Variants in N4BP2 observed in about 807,000 individuals in gnomAD.
N4BP2 encodes the protein NEDD4-binding protein 2.
Under a neutral mutation model 152.8 loss-of-function variants are expected in N4BP2, and 91 were observed. The observed-to-expected ratio is 0.60, with a 90% confidence interval of 0.50 to 0.71. The LOEUF is 0.71. Ranked by LOEUF, N4BP2 falls within the 30% of genes least tolerant of loss-of-function variation. The pLI is 0.00. For synonymous variants in N4BP2, 646 were observed against 705.3 expected (o/e 0.92, Z 1.33); for missense variants, 1,923 against 2,059.1 (o/e 0.93, Z 1.28).
intron 3 of N4BP2, among the ~76,000 whole-genome samples, chr4:40,100,423 C>G (rs1048335659): frequency 6.9e-6 from 1 of 145,254 alleles, no homozygotes; most frequent in South Asian, 2.1e-4. Flanking sequence ...GTCGCCCAGG[C>G]TGGAGCGCAG....
At position 40,147,283 on chromosome 4, in the gene N4BP2, C is replaced by A. The variant is rs4277787; in HGVS notation, c.5143+2483C>A. On this transcript the variant is annotated intron_variant, in intron 16 of 17. Coordinates refer to ENST00000261435, the MANE Select transcript of N4BP2 (RefSeq NM_018177.6). ...CAGAAGAATTTTTCTTAGTACAGAA[C>A]AAAATGAAAAGTCTCCCACGTCTAC... 8.1e-4 allele frequency among the ~76,000 whole-genome samples: 124 copies of A among 152,270 alleles called. No homozygotes were observed. In the Middle Eastern group the frequency reaches 0.01, roughly 13 times the overall value.
At chr4:40,187,109 A>G in the N4BP2 span, among the ~76,000 whole-genome samples, 2 of 152,244 alleles carry the variant, frequency 1.3e-5, no homozygotes, top group Non-Finnish European at 2.9e-5. Flanking sequence ...TTAATTGGTG[A>G]GGAAGAAGGG....
rs371573437 is a variant in N4BP2, at chr4:40,089,061, C to T, written c.-114-8166C>T. The stretch of plus-strand genomic sequence containing the variant: ...AACCTCCCAGCTGCAAAGGATCCTT[C>T]CACCTTAGGCTCCTGAGTAACTGGG... On this transcript the variant is annotated intron_variant, in intron 2 of 17. Transcript: ENST00000261435. 7.8e-4 allele frequency among the ~76,000 whole-genome samples: 118 copies of T among 151,942 alleles called. 2 individuals are homozygous for T. The South Asian group carries it at 0.024, about 31-fold the overall frequency.
intron 3 of N4BP2, among the ~76,000 whole-genome samples, chr4:40,098,893 G>T (rs1443883827): frequency 5.3e-5 from 8 of 152,086 alleles, no homozygotes; most frequent in Non-Finnish European, 2.9e-5. Flanking sequence ...TTGTTATTAT[G>T]CGTTTTTAAC....
At chr4:40,163,399 A>T in the N4BP2 span, among the ~76,000 whole-genome samples, 1 of 152,194 alleles carries the variant, frequency 6.6e-6, no homozygotes. Context: ...ACCCCTCTGT[A>T]GCTCCTGCAG....
chr4:40,112,347 T>A (rs1169272892), intron 6 of N4BP2, among the ~76,000 whole-genome samples, 175 bp downstream of exon 6: 1 of 152,200 alleles, frequency 6.6e-6, no homozygotes, highest in African/African-American at 2.4e-5. Flanking sequence ...GCTGAGTTTT[T>A]CCATAAAGTT....
the N4BP2 span, among the ~76,000 whole-genome samples, chr4:40,171,989 C>A: frequency 1.5e-4 from 23 of 152,212 alleles, no homozygotes; most frequent in Non-Finnish European, 2.8e-4. Flanking sequence ...TCACTGCAAC[C>A]TCCACCTCCT....
At chr4:40,110,406 G>T (rs929555599) in intron 5 of N4BP2, among the ~76,000 whole-genome samples, 1 of 152,132 alleles carries the variant, frequency 6.6e-6, no homozygotes, top group African/African-American at 2.4e-5. Context: ...ACCAACACTT[G>T]TTATTGTCCG....
intron 1 of N4BP2, among the ~76,000 whole-genome samples, chr4:40,058,322 G>C (rs1237883168): frequency 6.6e-6 from 1 of 152,132 alleles, no homozygotes; most frequent in Admixed American, 6.6e-5. Flanking sequence ...GATAAACGTG[G>C]TTCCATCTGC....
chr4:40,169,570 A>T, the N4BP2 span, among the ~76,000 whole-genome samples: 1 of 151,802 alleles, frequency 6.6e-6, no homozygotes, highest in Non-Finnish European at 1.5e-5. Flanking sequence ...TGTAAAGAAA[A>T]AAAGGGAAAC....
rs1717833968 is a variant in N4BP2 at position 40,120,876 on chromosome 4, C to T, written c.2765C>T (p.Ser922Phe). The T allele has an allele frequency of 6.2e-7, 1 of 1,614,066 alleles. No homozygotes were observed. The highest frequency in any genetic ancestry group is 8.5e-7 in the Non-Finnish European group (1 of 1,180,000). Residue 922 changes from serine to phenylalanine, a missense_variant, in exon 9 of 18, where the codon TCC (serine) becomes TTC (phenylalanine). Coordinates refer to ENST00000261435, the MANE Select transcript of N4BP2 (RefSeq NM_018177.6). ...IGTNDKMNEI[S>F]LSTAHEACWG... ...ACAAATGACAAAATGAATGAAATAT[C>T]CTTATCTACAGCACATGAGGCCTGT...
chr4:40,149,534 C>T (rs1028633423), intron 16 of N4BP2, among the ~76,000 whole-genome samples: 2 of 152,050 alleles, frequency 1.3e-5, no homozygotes, highest in African/African-American at 4.8e-5. Context: ...TGCTAAAAAC[C>T]GCTTAATTGC....
intron 14 of N4BP2, chr4:40,142,336 G>T: frequency 3.1e-6 from 1 of 319,012 alleles, no homozygotes; most frequent in Non-Finnish European, 6.1e-6. Context: ...AGTTGGGCTG[G>T]GGGTGACTGG....
In N4BP2 at chr4:40,121,797, A is replaced by G. The variant is rs1717948807; in HGVS notation, c.3686A>G (p.Lys1229Arg). 6.2e-7 allele frequency: 1 copy of G among 1,614,130 alleles called. No individual in the cohort carries two copies. The highest frequency in any genetic ancestry group is 8.5e-7 in the Non-Finnish European group (1 of 1,180,022). Residue 1229 changes from lysine to arginine, a missense_variant, in exon 9 of 18, where the codon AAG becomes AGG. Transcript: ENST00000261435. ...TTTCCCAGTGCTGCTGTGGGTCTAAAGAATAATAATGACATACTTCCTAAC... is the reference window on the plus strand; with the variant it reads ...TTTCCCAGTGCTGCTGTGGGTCTAAGGAATAATAATGACATACTTCCTAAC... ...SIFPSAAVGL[K>R]NNNDILPNSQ...
chr4:40,170,071 A>G, the N4BP2 span, among the ~76,000 whole-genome samples: 3 of 152,092 alleles, frequency 2.0e-5, no homozygotes, highest in African/African-American at 7.2e-5. Flanking sequence ...CTCTGAAAAA[A>G]GAGAAACGTC....
At chr4:40,059,593 G>T (rs1366854746) in intron 1 of N4BP2, among the ~76,000 whole-genome samples, 1 of 150,700 alleles carries the variant, frequency 6.6e-6, no homozygotes, top group African/African-American at 2.5e-5. Flanking sequence ...CAAGTGATCC[G>T]CCCGCTTTGG....
rs113582483 is a variant in N4BP2, at chr4:40,121,542, C to G, written c.3431C>G (p.Ser1144Trp). 4 of 1,614,022 alleles carry G rather than the reference C, an allele frequency of 2.5e-6. No individual in the cohort carries two copies. The highest frequency in any genetic ancestry group is 3.4e-6 in the Non-Finnish European group (4 of 1,179,986). The change falls in exon 9 of 18, where the codon TCG becomes TGG. Residue 1144 changes from serine (S) to tryptophan (W), a missense_variant. Transcript: ENST00000261435. Reference sequence around the variant, plus strand: ...ACAGAGTTTGAGAATTTCCAAAAATCGTGTGATGGATCACAAATTGGGCCT... The same window carrying G: ...ACAGAGTTTGAGAATTTCCAAAAATGGTGTGATGGATCACAAATTGGGCCT... ...EDTEFENFQK[S>W]CDGSQIGPFS...
chr4:40,146,140 G>A (rs1324424633), intron 16 of N4BP2, among the ~76,000 whole-genome samples: 1 of 151,914 alleles, frequency 6.6e-6, no homozygotes, highest in Admixed American at 6.5e-5. Flanking sequence ...TCCAGCCTGG[G>A]TGACAGAGCG....
At chr4:40,148,252 C>G (rs1012103683) in intron 16 of N4BP2, among the ~76,000 whole-genome samples, 1 of 152,244 alleles carries the variant, frequency 6.6e-6, no homozygotes, top group African/African-American at 2.4e-5. Context: ...AGCTGGAGAG[C>G]AGCCTGGCCA....
Sources: gnomAD v4.1 joint callset for allele counts (sites outside exome capture counted in the v4.1 genomes callset) on GRCh38, gnomAD v4.1.1 for gene constraint, MANE v1.5 for transcripts, NCBI Gene and HGNC (gene_info 2026-07-23, HGNC 2026-07-21) for gene names.